LUZP2: variants seen among roughly 807,000 people sequenced by gnomAD.
The protein encoded by LUZP2 is leucine zipper protein 2.
A neutral mutation model predicts 51.6 loss-of-function variants in LUZP2; 52 were observed. The observed-to-expected ratio is 1.01, with a 90% CI of 0.81 to 1.27. The LOEUF is 1.27. LUZP2 is among the 50% of genes most tolerant of loss of function. LUZP2 has a pLI of 0.00. For missense variants in LUZP2, 436 were observed against 395.4 expected (o/e 1.10, Z -0.87); for synonymous variants, 154 against 137.3 (o/e 1.12, Z -0.85).
At chr11:24,794,529 T>A (rs1240885316) in intron 5 of LUZP2, among the ~76,000 whole-genome samples, 2 of 152,246 alleles carry the variant, frequency 1.3e-5, no homozygotes, top group African/African-American at 4.8e-5. Flanking sequence ...TCCTAAGCCA[T>A]GGGAAATATT....
At chr11:24,823,859 C>T (rs778679542) in intron 5 of LUZP2, among the ~76,000 whole-genome samples, 2 of 151,746 alleles carry the variant, frequency 1.3e-5, no homozygotes, top group Non-Finnish European at 1.5e-5. Context: ...GTCAGGAGAT[C>T]GAGACCATCC....
intron 1 of LUZP2, among the ~76,000 whole-genome samples, chr11:24,699,728 C>T (rs11028111): frequency 0.4 from 59,005 of 147,118 alleles, 12,056 homozygotes; most frequent in East Asian, 0.59. Context: ...TATTTAGGTG[C>T]TATATATATT....
intron 7 of LUZP2, among the ~76,000 whole-genome samples, chr11:24,963,725 G>T (rs10834557): frequency 0.48 from 73,293 of 152,024 alleles, 18,070 homozygotes; most frequent in Non-Finnish European, 0.51. Context: ...TCCCGAGTGA[G>T]GCAATGCCTC....
At chr11:24,970,131 A>C (rs1055767621) in intron 7 of LUZP2, among the ~76,000 whole-genome samples, 1 of 152,130 alleles carries the variant, frequency 6.6e-6, no homozygotes, top group East Asian at 1.9e-4. Flanking sequence ...ATCTTTGATA[A>C]TGAGAATTTT....
At chr11:24,769,693 A>ATGTTTTTTT (rs1554988274) in intron 5 of LUZP2, among the ~76,000 whole-genome samples, 12 of 105,740 alleles carry the variant, frequency 1.1e-4, no homozygotes, top group African/African-American at 3.8e-4. Context: ...ATGGTGGTCT[A>ATGTTTTTTT]TTTTTTTTTT....
At chr11:25,001,467 C>T (rs1856679759) in intron 9 of LUZP2, among the ~76,000 whole-genome samples, 1 of 152,064 alleles carries the variant, frequency 6.6e-6, no homozygotes, top group African/African-American at 2.4e-5. Context: ...GATTTAGATC[C>T]CCTGTTAGGA....
chr11:24,704,297 TAATC>T (rs1857504927), intron 1 of LUZP2, among the ~76,000 whole-genome samples: 1 of 152,186 alleles, frequency 6.6e-6, no homozygotes, highest in Admixed American at 6.5e-5. Flanking sequence ...ATTAGCTTAA[TAATC>T]AATGCAATAT....
chr11:24,860,785 A>C (rs1191211428), intron 5 of LUZP2, among the ~76,000 whole-genome samples: 1 of 152,144 alleles, frequency 6.6e-6, no homozygotes, highest in African/African-American at 2.4e-5. Context: ...AGGCCCCCCC[A>C]AAAACCCTCC....
At chr11:24,827,868 A>G (rs1850588357) in intron 5 of LUZP2, among the ~76,000 whole-genome samples, 1 of 152,134 alleles carries the variant, frequency 6.6e-6, no homozygotes, top group Non-Finnish European at 1.5e-5. Flanking sequence ...ACCCATGATC[A>G]TAAGGCACAA....
intron 1 of LUZP2, among the ~76,000 whole-genome samples, chr11:24,602,094 A>ATATGTGTATATATG (rs1853692953): frequency 3.9e-5 from 5 of 127,592 alleles, no homozygotes; most frequent in African/African-American, 1.2e-4. Flanking sequence ...GTATATATGT[A>ATATGTGTATATATG]TATATGTGTA....
At chr11:24,932,952 G>A (rs954096850) in intron 7 of LUZP2, among the ~76,000 whole-genome samples, 3 of 152,144 alleles carry the variant, frequency 2.0e-5, no homozygotes, top group African/African-American at 7.2e-5. Context: ...GACCATGTCA[G>A]AAATGGCTTC....
At chr11:25,000,287 A>G (rs1856644524) in intron 9 of LUZP2, among the ~76,000 whole-genome samples, 1 of 152,106 alleles carries the variant, frequency 6.6e-6, no homozygotes, top group Non-Finnish European at 1.5e-5. Flanking sequence ...TCACCTCTCA[A>G]TCCTCCCTCT....
chr11:24,502,893 ACT>A (rs1850040880), intron 1 of LUZP2, among the ~76,000 whole-genome samples: 1 of 152,218 alleles, frequency 6.6e-6, no homozygotes, highest in Admixed American at 6.5e-5. Flanking sequence ...AAGTTTTCAA[ACT>A]ATATAGGTAG....
chr11:24,598,126 A>T (rs12366003), intron 1 of LUZP2, among the ~76,000 whole-genome samples: 1 of 151,616 alleles, frequency 6.6e-6, no homozygotes, highest in Non-Finnish European at 1.5e-5. Flanking sequence ...AGAGAGAGAC[A>T]TTTATTAAGC....
chr11:24,992,546 A>G (rs191676565), intron 9 of LUZP2, among the ~76,000 whole-genome samples: 90 of 152,254 alleles, frequency 5.9e-4, no homozygotes, highest in African/African-American at 2.1e-3. Flanking sequence ...CATATACCAA[A>G]CTTTCAAAAC....
At chr11:24,778,309 A>G (rs1161400084) in intron 5 of LUZP2, among the ~76,000 whole-genome samples, 1 of 152,144 alleles carries the variant, frequency 6.6e-6, no homozygotes, top group Non-Finnish European at 1.5e-5. Flanking sequence ...TTAGCTATTC[A>G]GAGGCTGAGG....
At chr11:24,919,803 A>C (rs567121112) in intron 7 of LUZP2, among the ~76,000 whole-genome samples, 1 of 150,988 alleles carries the variant, frequency 6.6e-6, no homozygotes, top group Admixed American at 6.6e-5. Flanking sequence ...AATTATTGCT[A>C]CCTAGTACAG....
intron 1 of LUZP2, among the ~76,000 whole-genome samples, chr11:24,555,993 A>C (rs1026979732): frequency 5.3e-5 from 8 of 152,114 alleles, no homozygotes; most frequent in African/African-American, 1.9e-4. Flanking sequence ...AAAGAAAGCT[A>C]TCTGAAATTA....
intron 9 of LUZP2, among the ~76,000 whole-genome samples, chr11:25,040,893 C>T (rs572903323): frequency 6.6e-6 from 1 of 152,164 alleles, no homozygotes; most frequent in South Asian, 2.1e-4. Flanking sequence ...CTGGAGAGTC[C>T]ACTGCATGTG....
Sources: gnomAD v4.1 joint callset for allele counts (sites outside exome capture counted in the v4.1 genomes callset) on GRCh38, gnomAD v4.1.1 for gene constraint, MANE v1.5 for transcripts, NCBI Gene and HGNC (gene_info 2026-07-23, HGNC 2026-07-21) for gene names.